The following NACC2 variants were observed in gnomAD, a reference collection of about 807,000 sequenced individuals.
NACC2 encodes NACC family member 2.
A neutral mutation model predicts 25.1 loss-of-function variants in NACC2; 8 were observed. That is an observed-to-expected ratio of 0.32 (90% CI 0.19 to 0.57). NACC2 has a LOEUF of 0.57. NACC2 is among the 20% of genes least tolerant of loss of function. The probability of loss-of-function intolerance (pLI) is 0.89; values close to 1 mark genes in which losing one functional copy is unlikely to be tolerated. For missense variants in NACC2, 644 were observed against 650.2 expected, an observed-to-expected ratio of 0.99 and a Z score of 0.10; for synonymous variants, 435 against 294.7, an observed-to-expected ratio of 1.48 and a Z score of -4.88.
intron 1 of NACC2, among the ~76,000 whole-genome samples, chr9:136,081,750 G>A (rs1043293194): frequency 1.3e-5 from 2 of 152,200 alleles, no homozygotes; most frequent in Non-Finnish European, 2.9e-5. Context: ...TCCCCACCAA[G>A]TGGCGGCAGC....
At chr9:136,090,668 CTGACTATG>C (rs1252697375) in intron 1 of NACC2, among the ~76,000 whole-genome samples, 1 of 152,216 alleles carries the variant, frequency 6.6e-6, no homozygotes, top group Non-Finnish European at 1.5e-5. Context: ...GTCCTCAAGC[CTGACTATG>C]GAGGGCTGGG....
chr9:136,077,933 G>T (rs1022353589), intron 1 of NACC2, among the ~76,000 whole-genome samples: 3 of 152,130 alleles, frequency 2.0e-5, no homozygotes, highest in African/African-American at 7.2e-5. Context: ...TTTTGTTTTG[G>T]GTTTTTTTGT....
intron 1 of NACC2, among the ~76,000 whole-genome samples, chr9:136,082,505 T>C (rs1830334570): frequency 6.6e-6 from 1 of 152,214 alleles, no homozygotes; most frequent in Admixed American, 6.5e-5. Context: ...GAGCTGACAG[T>C]GGCCCTCATC....
chr9:136,094,859 C>A, intron 1 of NACC2, among the ~76,000 whole-genome samples: 1 of 151,578 alleles, frequency 6.6e-6, no homozygotes. Context: ...GGAAACCCAG[C>A]AGGCGGCGGG....
At chr9:136,012,521 C>A (rs1478905121) in intron 5 of NACC2, among the ~76,000 whole-genome samples, 1 of 152,258 alleles carries the variant, frequency 6.6e-6, no homozygotes, top group African/African-American at 2.4e-5. Context: ...AGAGGCAGGT[C>A]CCAGGGGCCA....
chr9:136,050,713 C>T (rs1413200674), intron 1 of NACC2, 133 bp from the exon 2 acceptor site: 7 of 614,868 alleles, frequency 1.1e-5, no homozygotes, highest in Non-Finnish European at 1.7e-5. Context: ...CTCCCCCGCC[C>T]CTCCTGGCTG....
chr9:136,048,290 G>T (rs1840759309), intron 2 of NACC2, among the ~76,000 whole-genome samples: 1 of 152,192 alleles, frequency 6.6e-6, no homozygotes, highest in African/African-American at 2.4e-5. Context: ...GTCAGCAGGG[G>T]CAGAGGGAAA....
intron 2 of NACC2, 87 bp downstream of exon 2, chr9:136,049,549 C>G (rs1564230632): frequency 1.5e-6 from 1 of 664,498 alleles, no homozygotes; most frequent in South Asian, 1.7e-5. Flanking sequence ...CGCAGGCCTC[C>G]GGCCCAGTGG....
intron 1 of NACC2, among the ~76,000 whole-genome samples, chr9:136,071,995 C>G (rs377208587): frequency 6.6e-6 from 1 of 151,636 alleles, no homozygotes; most frequent in African/African-American, 2.4e-5. Flanking sequence ...CCCAGCACTT[C>G]GGGAGGCCCA....
At position 136,011,466 on chromosome 9, in the gene NACC2, C is replaced by T; in HGVS notation, c.*50G>A. 1 of 1,326,172 alleles carries T rather than the reference C, an allele frequency of 7.5e-7. No individual in the cohort carries two copies. The highest frequency in any genetic ancestry group is 9.6e-7 in the Non-Finnish European group (1 of 1,038,808). 82.2% of individuals were successfully genotyped at this position (1,326,172 alleles called of 1,614,324 possible). ...ATCACATTTGTTTGTATTAGTAACGCATGCAAGCAGCTCTAGTACTCGGTC... is the reference window on the plus strand; with the variant it reads ...ATCACATTTGTTTGTATTAGTAACGTATGCAAGCAGCTCTAGTACTCGGTC... On this transcript the variant is annotated 3_prime_UTR_variant, in exon 6 of 6. Coordinates refer to ENST00000277554, the MANE Select transcript of NACC2 (RefSeq NM_144653.5).
At chr9:136,067,114 C>T (rs958843247) in intron 1 of NACC2, among the ~76,000 whole-genome samples, 10 of 151,908 alleles carry the variant, frequency 6.6e-5, no homozygotes, top group African/African-American at 9.7e-5. Flanking sequence ...ATTAGCCAGG[C>T]GTGGTGGTTC....
rs1427196710 is a variant in NACC2, at chr9:136,011,538, CCCTCCGGCCTCCGGGCCGCGG to C, written c.1721_1741del (p.Ala574_Glu580del). ...CGCTTACAAGGTCCCTGCATAGGTG[CCCTCCGGCCTCCGGGCCGCGG>C]CCGCCGGCGTCTGGGGCCTGCTGGG... On this transcript the variant is annotated inframe_deletion, in exon 6 of 6. Coordinates refer to ENST00000277554, the MANE Select transcript of NACC2 (RefSeq NM_144653.5). 7.1e-7 allele frequency: 1 copy of C among 1,407,830 alleles called. No homozygotes were observed. Among genetic ancestry groups the C allele is most frequent in the East Asian group, 2.8e-5 (1 of 36,150 alleles). 87.2% of individuals were successfully genotyped at this position (1,407,830 alleles called of 1,614,324 possible).
intron 2 of NACC2, among the ~76,000 whole-genome samples, chr9:136,021,697 A>G (rs1022767279): frequency 1.3e-5 from 2 of 152,232 alleles, no homozygotes; most frequent in Admixed American, 6.5e-5. Context: ...GGCTAGACGC[A>G]GCCCGGATGT....
intron 1 of NACC2, among the ~76,000 whole-genome samples, chr9:136,078,860 T>C (rs1830291606): frequency 6.6e-6 from 1 of 152,184 alleles, no homozygotes; most frequent in Non-Finnish European, 1.5e-5. Flanking sequence ...TCTCGCCCCT[T>C]GTCCAGGCGA....
intron 1 of NACC2, among the ~76,000 whole-genome samples, chr9:136,087,308 G>A (rs1412432787): frequency 6.6e-6 from 1 of 152,214 alleles, no homozygotes; most frequent in African/African-American, 2.4e-5. Flanking sequence ...TGTGGGCTCT[G>A]TCGTGGTGGC....
chr9:136,040,637 G>T (rs1385792984), intron 2 of NACC2, among the ~76,000 whole-genome samples: 2 of 151,968 alleles, frequency 1.3e-5, no homozygotes, highest in African/African-American at 4.8e-5. Context: ...AATAAAATGT[G>T]GCATTATCCA....
intron 1 of NACC2, among the ~76,000 whole-genome samples, chr9:136,081,947 C>T (rs977209098): frequency 2.0e-5 from 3 of 152,188 alleles, no homozygotes; most frequent in Non-Finnish European, 4.4e-5. Context: ...CCCAGGGCTC[C>T]TGCAGAACTC....
intron 2 of NACC2, among the ~76,000 whole-genome samples, chr9:136,032,527 T>C (rs1564224952): frequency 6.6e-6 from 1 of 152,116 alleles, no homozygotes; most frequent in African/African-American, 2.4e-5. Flanking sequence ...CAGGGATATG[T>C]AAGAAGTTCT....
chr9:136,062,956 T>C (rs1023566260), intron 1 of NACC2, among the ~76,000 whole-genome samples: 1 of 152,164 alleles, frequency 6.6e-6, no homozygotes, highest in Non-Finnish European at 1.5e-5. Context: ...TCACAGGACA[T>C]CCCAGAAACA....
Sources: allele counts gnomAD v4.1 joint callset (sites outside exome capture counted in the v4.1 genomes callset), GRCh38; gene constraint gnomAD v4.1.1; transcripts MANE v1.5; gene names NCBI Gene and HGNC (gene_info 2026-07-23, HGNC 2026-07-21).